The following P2RX5 variants were observed in gnomAD, a reference collection of about 807,000 sequenced individuals.
P2RX5 encodes P2X purinoceptor 5.
Under a neutral mutation model 54.1 loss-of-function variants are expected in P2RX5, and 46 were observed. The ratio of observed to expected loss-of-function variants is 0.85; its 90% CI spans 0.67 to 1.09. The LOEUF is 1.09. Ranked by LOEUF, P2RX5 falls within the 50% of genes least tolerant of loss-of-function variation. P2RX5 has a pLI of 0.00. For synonymous variants in P2RX5, 226 were observed against 226.4 expected, an observed-to-expected ratio of 1.00 and a Z score of 0.02; for missense variants, 566 against 549.8, an observed-to-expected ratio of 1.03 and a Z score of -0.29.
At chr17:3,723,492 A>G in the P2RX5 span, 4 of 995,360 alleles carry the variant, frequency 4.0e-6, no homozygotes, top group Non-Finnish European at 6.3e-6. Flanking sequence ...AGAGGGTGTG[A>G]GCAATTTCAG....
At chr17:3,703,459 T>C in the P2RX5 span, among the ~76,000 whole-genome samples, 1 of 151,692 alleles carries the variant, frequency 6.6e-6, no homozygotes, top group Non-Finnish European at 1.5e-5. Context: ...GCCCAGGAGA[T>C]TGAGGCTGCA....
At chr17:3,712,844 G>A in the P2RX5 span, among the ~76,000 whole-genome samples, 1 of 152,160 alleles carries the variant, frequency 6.6e-6, no homozygotes, top group African/African-American at 2.4e-5. Flanking sequence ...TCGGGAGGGT[G>A]AGGCAGGAGA....
intron 11 of P2RX5, chr17:3,677,645 G>A (rs1036294988): frequency 2.0e-6 from 2 of 985,356 alleles, no homozygotes; most frequent in Non-Finnish European, 2.4e-6. Context: ...TGATGTCTCT[G>A]TTGGCTTTGG....
chr17:3,684,633 TATA>T (rs780752221), intron 9 of P2RX5, among the ~76,000 whole-genome samples: 30,452 of 151,934 alleles, frequency 0.2, 3,099 homozygotes, highest in Admixed American at 0.24. Flanking sequence ...TCTGGGAAAA[TATA>T]GTATCGACCA....
chr17:3,717,101 C>T, the P2RX5 span: 7 of 290,486 alleles, frequency 2.4e-5, no homozygotes, highest in East Asian at 2.6e-4. Flanking sequence ...GAGGGTCCCA[C>T]GGAATCCGGT....
At chr17:3,681,357 C>T (rs2050274472) in intron 10 of P2RX5, among the ~76,000 whole-genome samples, 2 of 152,182 alleles carry the variant, frequency 1.3e-5, no homozygotes. Context: ...GCCCCTTCCC[C>T]TTCCCGCCCT....
intron 11 of P2RX5, among the ~76,000 whole-genome samples, chr17:3,674,468 G>C (rs1469318914): frequency 6.6e-6 from 1 of 152,226 alleles, no homozygotes; most frequent in Non-Finnish European, 1.5e-5. Flanking sequence ...CTGTCTGGAA[G>C]CTGTCAGGCG....
the P2RX5 span, among the ~76,000 whole-genome samples, chr17:3,716,142 G>A: frequency 1.3e-5 from 2 of 150,630 alleles, no homozygotes; most frequent in Non-Finnish European, 2.9e-5. Context: ...CCGCACTCAA[G>A]CCTGGGCGAA....
Position 3,679,599 on chromosome 17 carries a change from T to C in P2RX5, c.1250A>G (p.Glu417Gly). Reference protein sequence around the residue: ...GNGSVCPQLLEPHRST With the variant: ...GNGSVCPQLLGPHRST ...CTAGCAGTGGCCTCACCTGTGGGGC[T>C]CCAGGAGCTGTGGGCACACAGATCC... Residue 417 changes from glutamate to glycine, a missense_variant, in exon 11 of 12, where the codon GAG becomes GGG. By Grantham distance (98) the Glu-to-Gly change is moderately conservative. Transcript: ENST00000225328. The C allele has an allele frequency of 1.2e-6, 2 of 1,607,192 alleles. No homozygotes were observed. Among genetic ancestry groups the C allele is most frequent in the Non-Finnish European group, 1.7e-6 (2 of 1,179,774 alleles).
Position 3,691,665 on chromosome 17 carries a change from G to C in P2RX5, c.267C>G (p.Ala89=), listed in dbSNP as rs773586913. The change falls in exon 2 of 12, where the codon GCC becomes GCG. Residue 89 remains alanine (A), a synonymous_variant. Transcript: ENST00000225328. ...SDLGQRIWDV[A]DYVIPAQGEN... is the part of the protein sequence containing the mutation. ...AGACCTGGGCTGGAATGACGTAGTC[G>C]GCGACATCCCAGATCCGCTGCCCAA... 4 of 1,614,200 alleles carry C rather than the reference G, an allele frequency of 2.5e-6. No homozygotes were observed. The highest frequency in any genetic ancestry group is 1.6e-4 in the Middle Eastern group (1 of 6,062).
At position 3,689,404 on chromosome 17, in the gene P2RX5, G is replaced by A. The variant is rs552235230; in HGVS notation, c.753+88C>T. ...CTTTGCAGGGCCACCCTCGCCCCAC[G>A]AGTCCCCGTCCACACCCTCCTCGTC... On this transcript the variant is annotated intron_variant, in intron 7 of 11. Transcript: ENST00000225328. 1.5e-4 allele frequency: 228 copies of A among 1,502,876 alleles called. No homozygotes were observed. In the East Asian group the frequency reaches 2.2e-3, roughly 15 times the overall value. 93.1% of individuals were successfully genotyped at this position (1,502,876 alleles called of 1,614,324 possible).
the P2RX5 span, among the ~76,000 whole-genome samples, chr17:3,708,141 G>A: frequency 3.3e-5 from 5 of 151,654 alleles, no homozygotes; most frequent in Admixed American, 6.6e-5. Flanking sequence ...TCCCAGAAGC[G>A]GAAGGGCACC....
At chr17:3,701,610 T>C in the P2RX5 span, among the ~76,000 whole-genome samples, 1 of 147,100 alleles carries the variant, frequency 6.8e-6, no homozygotes, top group African/African-American at 2.5e-5. Context: ...GAGAATCACT[T>C]GAACCCAGGA....
chr17:3,679,411 G>A (rs535919623), intron 11 of P2RX5, among the ~76,000 whole-genome samples, 179 bp downstream of exon 11: 9 of 152,290 alleles, frequency 5.9e-5, no homozygotes, highest in African/African-American at 1.4e-4. Flanking sequence ...GGGACCTTGC[G>A]GGGTAAAGCA....
In P2RX5 at chr17:3,695,898, C is replaced by G; in HGVS notation, c.108G>C (p.Leu36=). 2 of 1,614,044 alleles carry G rather than the reference C, an allele frequency of 1.2e-6. No homozygotes were observed. Among genetic ancestry groups the G allele is most frequent in the Non-Finnish European group, 1.7e-6 (2 of 1,179,978 alleles). ...NKKVGLLYRL[L]QASILAYLVV... is the part of the protein sequence containing the mutation. ...CCAGGTACGCCAGGATGGAGGCCTGCAGCAGCCGGTACAGCAGGCCCACCT... is the reference window on the plus strand; with the variant it reads ...CCAGGTACGCCAGGATGGAGGCCTGGAGCAGCCGGTACAGCAGGCCCACCT... Residue 36 remains leucine, a synonymous_variant, in exon 1 of 12, where the codon CTG becomes CTC. Transcript: ENST00000225328.
At chr17:3,680,175 A>ATCCTCCACCCAGTG (rs2050214282) in intron 10 of P2RX5, among the ~76,000 whole-genome samples, 18 of 33,034 alleles carry the variant, frequency 5.4e-4, no homozygotes, top group Admixed American at 1.6e-3. Context: ...TCCACCCTGC[A>ATCCTCCACCCAGTG]TCCTCCACCC....
chr17:3,691,639 C>G lies in P2RX5; in HGVS notation c.288+5G>C. The G allele has an allele frequency of 6.2e-7, 1 of 1,614,172 alleles. No individual in the cohort carries two copies. The highest frequency in any genetic ancestry group is 1.7e-5 in the Admixed American group (1 of 60,030). ...CTTGGCCGTGTGCTAGGTGGGGACT[C>G]AGACCTGGGCTGGAATGACGTAGTC... On this transcript the variant is annotated splice_donor_5th_base_variant and intron_variant, in intron 2 of 11. Transcript: ENST00000225328.
chr17:3,676,888 C>A (rs191693092), intron 11 of P2RX5, among the ~76,000 whole-genome samples: 1 of 152,234 alleles, frequency 6.6e-6, no homozygotes, highest in East Asian at 1.9e-4. Context: ...ATGGTGAAAC[C>A]CCATCTCTGC....
At chr17:3,679,161 T>A (rs1404336199) in intron 11 of P2RX5, among the ~76,000 whole-genome samples, 1 of 152,184 alleles carries the variant, frequency 6.6e-6, no homozygotes, top group Non-Finnish European at 1.5e-5. Context: ...AGCGCTGCCA[T>A]TCACCGGCTG....
Sources: gnomAD v4.1 joint callset for allele counts (sites outside exome capture counted in the v4.1 genomes callset) on GRCh38, gnomAD v4.1.1 for gene constraint, MANE v1.5 for transcripts, NCBI Gene and HGNC (gene_info 2026-07-23, HGNC 2026-07-21) for gene names.